The following SPAG16 variants were observed in gnomAD, a reference collection of about 807,000 sequenced individuals.
SPAG16 encodes sperm associated antigen 16.
Under a neutral mutation model 80.4 loss-of-function variants are expected in SPAG16, and 86 were observed. The observed-to-expected ratio is 1.07, with a 90% CI of 0.90 to 1.28. The LOEUF is 1.28. Among genes scored for constraint, SPAG16 ranks in the 50% most tolerant of loss-of-function variants. The pLI is 0.00. For synonymous variants in SPAG16, 294 were observed against 265.9 expected (o/e 1.11, Z -1.03); for missense variants, 870 against 765.3 (o/e 1.14, Z -1.61).
chr2:214,115,122 G>A (rs1003946126), intron 14 of SPAG16, among the ~76,000 whole-genome samples: 7 of 152,084 alleles, frequency 4.6e-5, no homozygotes, highest in African/African-American at 1.7e-4. Flanking sequence ...TATGATGACT[G>A]ACATTTTTTA....
intron 11 of SPAG16, among the ~76,000 whole-genome samples, chr2:213,876,550 C>T (rs1424294270): frequency 6.6e-6 from 1 of 152,076 alleles, no homozygotes; most frequent in Non-Finnish European, 1.5e-5. Flanking sequence ...TTTGACTAAT[C>T]CAATAGCTTT....
intron 15 of SPAG16, among the ~76,000 whole-genome samples, chr2:214,322,438 A>C (rs1253955425): frequency 6.6e-6 from 1 of 152,114 alleles, no homozygotes; most frequent in Admixed American, 6.5e-5. Flanking sequence ...TAAAGAGATA[A>C]AATTGCCTTA....
At chr2:214,381,217 A>AT (rs1316907255) in intron 15 of SPAG16, among the ~76,000 whole-genome samples, 2 of 152,198 alleles carry the variant, frequency 1.3e-5, no homozygotes, top group Non-Finnish European at 2.9e-5. Flanking sequence ...TTCTCTAAAC[A>AT]TTTTTAAATG....
chr2:213,947,941 C>T (rs1282014502), intron 12 of SPAG16, among the ~76,000 whole-genome samples: 3 of 152,000 alleles, frequency 2.0e-5, no homozygotes, highest in African/African-American at 7.2e-5. Flanking sequence ...CTTGTCTTGC[C>T]AGTCTTATTT....
intron 11 of SPAG16, among the ~76,000 whole-genome samples, chr2:213,883,114 ATCTC>A (rs1322561516): frequency 6.6e-6 from 1 of 152,148 alleles, no homozygotes; most frequent in South Asian, 2.1e-4. Context: ...TTAATTTGAG[ATCTC>A]TCTAACTTCT....
chr2:213,414,431 C>A (rs1285056995), intron 9 of SPAG16, among the ~76,000 whole-genome samples: 1 of 152,006 alleles, frequency 6.6e-6, no homozygotes, highest in Non-Finnish European at 1.5e-5. Flanking sequence ...TATTAAAAAA[C>A]CTGAAAATTT....
intron 10 of SPAG16, among the ~76,000 whole-genome samples, chr2:213,753,091 C>T (rs2068154924): frequency 6.6e-6 from 1 of 152,170 alleles, no homozygotes; most frequent in Non-Finnish European, 1.5e-5. Flanking sequence ...CAGCTCACTG[C>T]AAGCTCCACC....
intron 15 of SPAG16, among the ~76,000 whole-genome samples, chr2:214,282,430 G>T (rs1693022845): frequency 6.6e-6 from 1 of 152,020 alleles, no homozygotes; most frequent in Non-Finnish European, 1.5e-5. Flanking sequence ...TATTTCCTAA[G>T]ATTAATATTA....
intron 10 of SPAG16, among the ~76,000 whole-genome samples, chr2:213,859,061 C>T (rs1386171955): frequency 1.3e-5 from 2 of 150,576 alleles, no homozygotes; most frequent in Non-Finnish European, 3.0e-5. Context: ...CACCTGTAAT[C>T]CCAGCTACTC....
At chr2:214,230,234 C>G (rs1271570857) in intron 15 of SPAG16, among the ~76,000 whole-genome samples, 1 of 151,882 alleles carries the variant, frequency 6.6e-6, no homozygotes, top group Non-Finnish European at 1.5e-5. Flanking sequence ...TTTCTATCAG[C>G]TAACTAATTT....
At chr2:213,614,151 G>T (rs181401418) in intron 10 of SPAG16, among the ~76,000 whole-genome samples, 1 of 152,200 alleles carries the variant, frequency 6.6e-6, no homozygotes, top group African/African-American at 2.4e-5. Flanking sequence ...ATGTAAGGGA[G>T]AGTAGAACAT....
At chr2:213,741,893 TAG>T (rs1395740701) in intron 10 of SPAG16, among the ~76,000 whole-genome samples, 1 of 152,178 alleles carries the variant, frequency 6.6e-6, no homozygotes, top group Non-Finnish European at 1.5e-5. Context: ...CTAATATTTA[TAG>T]AGTTACACTA....
chr2:213,742,817 A>G (rs555374561), intron 10 of SPAG16, among the ~76,000 whole-genome samples: 1 of 152,056 alleles, frequency 6.6e-6, no homozygotes, highest in Non-Finnish European at 1.5e-5. Context: ...CCTTCCAAGT[A>G]ATCCTGAGTA....
chr2:213,881,700 A>T (rs535299060), intron 11 of SPAG16, among the ~76,000 whole-genome samples: 1 of 152,312 alleles, frequency 6.6e-6, no homozygotes, highest in Non-Finnish European at 1.5e-5. Flanking sequence ...CCATCCCAAG[A>T]ACAACATGGG....
At chr2:213,735,020 T>A (rs1230929999) in intron 10 of SPAG16, among the ~76,000 whole-genome samples, 1 of 152,114 alleles carries the variant, frequency 6.6e-6, no homozygotes, top group Non-Finnish European at 1.5e-5. Context: ...CTATTGCAGA[T>A]ATACTCCATA....
intron 15 of SPAG16, among the ~76,000 whole-genome samples, chr2:214,156,900 G>A (rs939837787): frequency 2.2e-4 from 33 of 152,136 alleles, no homozygotes; most frequent in African/African-American, 6.0e-4. Flanking sequence ...ATGTTCTTCC[G>A]AAGAACAAGC....
At chr2:214,141,421 C>A (rs1049100374) in intron 14 of SPAG16, among the ~76,000 whole-genome samples, 7 of 150,734 alleles carry the variant, frequency 4.6e-5, no homozygotes, top group Non-Finnish European at 8.8e-5. Context: ...GAGCCCAGAT[C>A]AGGCCACTGC....
At chr2:213,599,984 C>A (rs2061008000) in intron 10 of SPAG16, among the ~76,000 whole-genome samples, 1 of 152,228 alleles carries the variant, frequency 6.6e-6, no homozygotes, top group South Asian at 2.1e-4. Context: ...CTGCGCCTGG[C>A]CTATTAGTAG....
intron 1 of SPAG16, among the ~76,000 whole-genome samples, chr2:213,291,433 A>G (rs2062269941): frequency 6.6e-6 from 1 of 152,190 alleles, no homozygotes; most frequent in Admixed American, 6.5e-5. Flanking sequence ...TATATTGTGG[A>G]TACATAAAAA....
Sources: gnomAD v4.1 joint callset for allele counts (sites outside exome capture counted in the v4.1 genomes callset) on GRCh38, gnomAD v4.1.1 for gene constraint, MANE v1.5 for transcripts, NCBI Gene and HGNC (gene_info 2026-07-23, HGNC 2026-07-21) for gene names.